The following MDGA2 variants were observed in gnomAD, a reference collection of about 807,000 sequenced individuals.
MDGA2 encodes MAM domain-containing glycosylphosphatidylinositol anchor protein 2.
A neutral mutation model predicts 117.8 loss-of-function variants in MDGA2; 40 were observed. The ratio of observed to expected loss-of-function variants is 0.34; its 90% confidence interval spans 0.26 to 0.44. The LOEUF is 0.44. Ranked by LOEUF, MDGA2 falls within the 20% of genes least tolerant of loss-of-function variation. The pLI, the probability that MDGA2 is intolerant of heterozygous loss-of-function variation, is 1.00. For missense variants in MDGA2, 1,123 were observed against 1,250.6 expected, an observed-to-expected ratio of 0.90 and a Z score of 1.54; for synonymous variants, 452 against 439.0, an observed-to-expected ratio of 1.03 and a Z score of -0.37.
intron 5 of MDGA2, among the ~76,000 whole-genome samples, chr14:47,106,527 C>CCA (rs1880690505): frequency 6.6e-6 from 1 of 151,812 alleles, no homozygotes; most frequent in Non-Finnish European, 1.5e-5. Flanking sequence ...CGCGTCCCAT[C>CCA]TGTGCGGGAC....
chr14:47,014,866 C>T (rs568040965), intron 8 of MDGA2, among the ~76,000 whole-genome samples: 9 of 152,292 alleles, frequency 5.9e-5, no homozygotes, highest in African/African-American at 2.2e-4. Context: ...TTTTCCTTTG[C>T]ATCCACAACT....
At chr14:47,390,590 C>T (rs535657555) in intron 1 of MDGA2, among the ~76,000 whole-genome samples, 1 of 152,246 alleles carries the variant, frequency 6.6e-6, no homozygotes, top group Admixed American at 6.5e-5. Flanking sequence ...TATTGTTTAT[C>T]TTGGGAACAC....
Position 47,177,793 on chromosome 14 carries a change from A to G in MDGA2, c.596-33519T>C, listed in dbSNP as rs150962960. On this transcript the variant is annotated intron_variant, in intron 3 of 16. Coordinates refer to ENST00000399232, the MANE Select transcript of MDGA2 (RefSeq NM_001113498.3). ...TGTGCACATGTACCCTAAAACTTAA[A>G]GTATAATAAAATAAAATAAAAATTA... Among the ~76,000 whole-genome samples the G allele has an allele frequency of 1.1e-3, 164 of 152,328 alleles. 2 individuals carry two copies. The highest frequency in any genetic ancestry group is 3.8e-3 in the African/African-American group (159 of 41,578).
Position 47,248,222 on chromosome 14 carries a change from AT to A in MDGA2, c.421-30028del, listed in dbSNP as rs1391258347. Among the ~76,000 whole-genome samples the A allele has an allele frequency of 2.0e-4, 30 of 151,798 alleles. 1 individual carries two copies. The highest frequency in any genetic ancestry group is 3.7e-4 in the Non-Finnish European group (25 of 67,800). ...ATAAGTGAAAAAATAAATAAAAAAAATAAATATAACATATATTATACAAGGA... is the reference window on the plus strand; with the variant it reads ...ATAAGTGAAAAAATAAATAAAAAAAAAAATATAACATATATTATACAAGGA... On this transcript the variant is annotated intron_variant, in intron 2 of 16. Coordinates refer to ENST00000399232, the MANE Select transcript of MDGA2 (RefSeq NM_001113498.3).
chr14:47,288,690 T>C (rs187197012), intron 2 of MDGA2, among the ~76,000 whole-genome samples: 21 of 152,232 alleles, frequency 1.4e-4, no homozygotes, highest in Admixed American at 1.2e-3. Context: ...GGAAAATAAA[T>C]GTTATTTTTA....
At chr14:47,623,002 A>G (rs1897077716) in intron 1 of MDGA2, among the ~76,000 whole-genome samples, 1 of 152,178 alleles carries the variant, frequency 6.6e-6, no homozygotes, top group Admixed American at 6.5e-5. Context: ...AAGTTCACGT[A>G]TTGGAAAAAA....
chr14:46,964,918 A>ATTTTTTTTTT (rs1566549134), intron 8 of MDGA2, among the ~76,000 whole-genome samples: 31 of 95,316 alleles, frequency 3.3e-4, no homozygotes, highest in African/African-American at 1.8e-3. Flanking sequence ...ATATATATTT[A>ATTTTTTTTTT]CTTTTTTTTT....
At chr14:47,123,639 C>G (rs779875975) in intron 5 of MDGA2, among the ~76,000 whole-genome samples, 7 of 151,986 alleles carry the variant, frequency 4.6e-5, no homozygotes, top group Non-Finnish European at 1.0e-4. Context: ...ATTTGTTCTC[C>G]TAATAGGTTA....
In MDGA2 at chr14:47,161,927, C is replaced by CT. The variant is rs71112489; in HGVS notation, c.596-17654dup. On this transcript the variant is annotated intron_variant, in intron 3 of 16. Coordinates refer to ENST00000399232, the MANE Select transcript of MDGA2 (RefSeq NM_001113498.3). ...ATTTAAACACCCCCCTCCCCAGATCCTTTTTTTTTTTTTTTTTTTTTTTTT... is the reference window on the plus strand; with the variant it reads ...ATTTAAACACCCCCCTCCCCAGATCCTTTTTTTTTTTTTTTTTTTTTTTTTT... 8.2e-4 allele frequency among the ~76,000 whole-genome samples: 43 copies of CT among 52,510 alleles called. 5 individuals are homozygous for CT. Among genetic ancestry groups the CT allele is most frequent in the Non-Finnish European group, 9.5e-4 (27 of 28,486 alleles). The allele number at this position is 52,510 out of a possible 152,430, so 34.4% of individuals were successfully genotyped here.
At chr14:46,988,782 C>T (rs1265777058) in intron 8 of MDGA2, among the ~76,000 whole-genome samples, 1 of 152,026 alleles carries the variant, frequency 6.6e-6, no homozygotes, top group African/African-American at 2.4e-5. Context: ...ATTCTACCAG[C>T]AGGAATGAGA....
intron 1 of MDGA2, among the ~76,000 whole-genome samples, chr14:47,510,323 T>C (rs1894612551): frequency 6.6e-6 from 1 of 152,200 alleles, no homozygotes; most frequent in Non-Finnish European, 1.5e-5. Context: ...TCCTGTTGTT[T>C]ATAAGCCACC....
At chr14:47,364,311 C>T (rs942671007) in intron 1 of MDGA2, among the ~76,000 whole-genome samples, 3 of 152,208 alleles carry the variant, frequency 2.0e-5, no homozygotes, top group Admixed American at 6.5e-5. Context: ...GGAGCACAGG[C>T]TAGAGTGCAG....
chr14:47,536,915 G>C (rs11623099), intron 1 of MDGA2, among the ~76,000 whole-genome samples: 1 of 152,024 alleles, frequency 6.6e-6, no homozygotes, highest in Admixed American at 6.5e-5. Context: ...TTCCCTAAAT[G>C]TATGACCTTG....
At chr14:47,182,272 G>C (rs556895018) in intron 3 of MDGA2, among the ~76,000 whole-genome samples, 1 of 151,888 alleles carries the variant, frequency 6.6e-6, no homozygotes, top group African/African-American at 2.4e-5. Context: ...AACTCATTTT[G>C]ATATTGTAAC....
chr14:47,297,369 T>C lies in MDGA2; in HGVS notation c.420+4042A>G, dbSNP rs1409939447. ...CTATATTTATAATGTATTTAAATTA[T>C]TGACGTGACAATTTTGAGAGAGAAA... On this transcript the variant is annotated intron_variant, in intron 2 of 16. Coordinates refer to ENST00000399232, the MANE Select transcript of MDGA2 (RefSeq NM_001113498.3). 5.3e-5 allele frequency among the ~76,000 whole-genome samples: 8 copies of C among 151,358 alleles called. No individual in the cohort carries two copies. The South Asian group carries it at 1.3e-3, about 24-fold the overall frequency.
intron 1 of MDGA2, among the ~76,000 whole-genome samples, chr14:47,495,095 G>T (rs1275454854): frequency 6.6e-6 from 1 of 151,852 alleles, no homozygotes; most frequent in East Asian, 1.9e-4. Context: ...GCCATAAAAA[G>T]AATAAAATTG....
At chr14:47,056,930 T>C (rs1889696574) in intron 7 of MDGA2, among the ~76,000 whole-genome samples, 2 of 152,126 alleles carry the variant, frequency 1.3e-5, no homozygotes. Context: ...GTATAGTATA[T>C]TTAATTATAG....
chr14:46,860,121 T>A (rs1881450584), intron 14 of MDGA2, among the ~76,000 whole-genome samples: 1 of 152,116 alleles, frequency 6.6e-6, no homozygotes, highest in Non-Finnish European at 1.5e-5. Context: ...ATCCACTTTT[T>A]AAGCAAAAAC....
At chr14:47,246,802 A>AACACACACACACAC (rs34773547) in intron 2 of MDGA2, among the ~76,000 whole-genome samples, 10,570 of 141,656 alleles carry the variant, frequency 0.075, 560 homozygotes, top group Non-Finnish European at 0.083. Flanking sequence ...CAGGTAATGA[A>AACACACACACACAC]ACACACACAC....
Sources: gnomAD v4.1 joint callset for allele counts (sites outside exome capture counted in the v4.1 genomes callset) on GRCh38, gnomAD v4.1.1 for gene constraint, MANE v1.5 for transcripts, NCBI Gene and HGNC (gene_info 2026-07-23, HGNC 2026-07-21) for gene names.